The following PCDHGB2 variants were observed in gnomAD, a reference collection of about 807,000 sequenced individuals.
The protein encoded by PCDHGB2 is protocadherin gamma subfamily B, 2.
A neutral mutation model predicts 59.3 loss-of-function variants in PCDHGB2; 55 were observed. That is an observed-to-expected ratio of 0.93 (90% CI 0.75 to 1.16). The LOEUF is 1.16. Ranked by LOEUF, PCDHGB2 falls within the 50% of genes most tolerant of loss-of-function variation. The probability of loss-of-function intolerance (pLI) is 0.00; values close to 1 mark genes in which losing one functional copy is unlikely to be tolerated. For synonymous variants in PCDHGB2, 516 were observed against 512.0 expected, an observed-to-expected ratio of 1.01 and a Z score of -0.11; for missense variants, 1,228 against 1,198.5, an observed-to-expected ratio of 1.02 and a Z score of -0.36.
intron 1 of PCDHGB2, among the ~76,000 whole-genome samples, chr5:141,459,014 T>G (rs1429233660): frequency 6.6e-6 from 1 of 152,240 alleles, no homozygotes; most frequent in Non-Finnish European, 1.5e-5. Flanking sequence ...ATTACAGGCA[T>G]GAGCCACCAC....
At chr5:141,375,666 T>C (rs1771733109) in intron 1 of PCDHGB2, 1 of 1,614,122 alleles carries the variant, frequency 6.2e-7, no homozygotes, top group African/African-American at 1.3e-5. Context: ...TTGAGAGACC[T>C]ACAGCTGTGG....
At chr5:141,384,214 T>A in intron 1 of PCDHGB2, 1 of 1,613,874 alleles carries the variant, frequency 6.2e-7, no homozygotes, top group Non-Finnish European at 8.5e-7. Flanking sequence ...AACTCACATA[T>A]TCATGCAGGT....
At chr5:141,494,554 T>C (rs1270280236) in intron 1 of PCDHGB2, among the ~76,000 whole-genome samples, 1 of 152,178 alleles carries the variant, frequency 6.6e-6, no homozygotes, top group African/African-American at 2.4e-5. Flanking sequence ...GGGCCATTTC[T>C]TTAGGAAAGG....
At position 141,399,158 on chromosome 5, in the gene PCDHGB2, C is replaced by T. The variant is rs575806440; in HGVS notation, c.2421+36602C>T. 17 of 1,613,790 alleles carry T rather than the reference C, an allele frequency of 1.1e-5. No homozygotes were observed. The East Asian group carries it at 2.9e-4, about 27-fold the overall frequency. On this transcript the variant is annotated intron_variant, in intron 1 of 3. Transcript: ENST00000522605. The stretch of plus-strand genomic sequence containing the variant: ...GAAAATGACAATAGCCCAGAAGTTA[C>T]ATTCCATTCTCTACTTGAAATGATT...
chr5:141,396,592 C>G (rs886214200), intron 1 of PCDHGB2: 3 of 151,870 alleles, frequency 2.0e-5, no homozygotes, highest in Admixed American at 2.0e-4. Context: ...TGCACTCCAG[C>G]CTGGGCAACA....
At chr5:141,437,042 A>G (rs1355358776) in intron 1 of PCDHGB2, among the ~76,000 whole-genome samples, 1 of 152,264 alleles carries the variant, frequency 6.6e-6, no homozygotes, top group Non-Finnish European at 1.5e-5. Context: ...CACCGAAACC[A>G]GAAGGCTGGT....
At chr5:141,370,971 G>T in intron 1 of PCDHGB2, 1 of 1,614,016 alleles carries the variant, frequency 6.2e-7, no homozygotes, top group Non-Finnish European at 8.5e-7. Context: ...TAGGTACCCA[G>T]AGCTAGTACT....
At chr5:141,469,511 G>T (rs2099203340) in intron 1 of PCDHGB2, among the ~76,000 whole-genome samples, 2 of 152,038 alleles carry the variant, frequency 1.3e-5, no homozygotes, top group South Asian at 2.1e-4. Flanking sequence ...GGAGGTGGAG[G>T]TTGCAGTGAG....
rs556656447 is a variant in PCDHGB2 at position 141,500,319 on chromosome 5, C to CT, written c.2481-5073dup. Among the ~76,000 whole-genome samples the CT allele has an allele frequency of 2.6e-5, 4 of 152,122 alleles. No homozygotes were observed. The South Asian group carries it at 8.3e-4, about 32-fold the overall frequency. Reference sequence around the variant, plus strand: ...CGCCTCCCAGGTTCACGCCATGCTCCTGCCTCAGCCTCCAGAATAGCTGGG... The same window carrying CT: ...CGCCTCCCAGGTTCACGCCATGCTCCTTGCCTCAGCCTCCAGAATAGCTGGG... On this transcript the variant is annotated intron_variant, in intron 2 of 3. Coordinates refer to ENST00000522605, the MANE Select transcript of PCDHGB2 (RefSeq NM_018923.3).
At chr5:141,473,270 T>C (rs538574742) in intron 1 of PCDHGB2, among the ~76,000 whole-genome samples, 4 of 152,326 alleles carry the variant, frequency 2.6e-5, no homozygotes, top group African/African-American at 9.6e-5. Context: ...GTGTATGCTA[T>C]GATTATTTTA....
rs541159563 is a variant in PCDHGB2, at chr5:141,383,854, G to A, written c.2421+21298G>A. 2.3e-5 allele frequency: 37 copies of A among 1,613,942 alleles called. No homozygotes were observed. The South Asian group carries it at 3.4e-4, about 15-fold the overall frequency. Reference sequence around the variant, plus strand: ...AGAAACTGCCTTCTATGAAATGGAGGTTCAGGCTCAAGATGGTCCTGGTAG... The same window carrying A: ...AGAAACTGCCTTCTATGAAATGGAGATTCAGGCTCAAGATGGTCCTGGTAG... On this transcript the variant is annotated intron_variant, in intron 1 of 3. Transcript: ENST00000522605.
At chr5:141,418,124 C>G (rs762154093) in intron 1 of PCDHGB2, 1 of 1,613,836 alleles carries the variant, frequency 6.2e-7, no homozygotes, top group African/African-American at 1.3e-5. Context: ...TGTGAAGGAC[C>G]GAATAGACCG....
At position 141,376,090 on chromosome 5, in the gene PCDHGB2, C is replaced by G. The variant is rs372887480; in HGVS notation, c.2421+13534C>G. ...CCGTGGCCGTGGCCGACAGGATCCC[C>G]GACATCCTGGCCGACCTGGGCAGCC... On this transcript the variant is annotated intron_variant, in intron 1 of 3. Coordinates refer to ENST00000522605, the MANE Select transcript of PCDHGB2 (RefSeq NM_018923.3). 107 of 1,613,674 alleles carry G rather than the reference C, an allele frequency of 6.6e-5. No homozygotes were observed. In the African/African-American group the frequency reaches 1.2e-3, roughly 18 times the overall value.
chr5:141,388,424 GATAA>G, intron 1 of PCDHGB2: 1 of 1,613,812 alleles, frequency 6.2e-7, no homozygotes, highest in Non-Finnish European at 8.5e-7. Context: ...ATTTCTCACT[GATAA>G]ATAAAGAGAA....
rs146358809 is a variant in PCDHGB2, at chr5:141,480,913, C to T, written c.2422-13894C>T. 4.1e-3 allele frequency among the ~76,000 whole-genome samples: 617 copies of T among 152,096 alleles called. 6 individuals are homozygous for T. Among genetic ancestry groups the T allele is most frequent in the Admixed American group, 0.011 (171 of 15,272 alleles). ...TGCAAACATTAGCTGGGCATGGTGG[C>T]GCATACCTGTAGTCCCAGCTACTCT... On this transcript the variant is annotated intron_variant, in intron 1 of 3. Transcript: ENST00000522605.
chr5:141,430,686 C>G, intron 1 of PCDHGB2: 1 of 1,397,218 alleles, frequency 7.2e-7, no homozygotes, highest in Non-Finnish European at 9.5e-7. Context: ...CTGTCCCATT[C>G]TATGGGCGAA....
chr5:141,414,635 A>G (rs753834653), intron 1 of PCDHGB2: 72 of 1,613,866 alleles, frequency 4.5e-5, no homozygotes, highest in Admixed American at 2.0e-4. Flanking sequence ...GACAGCAAAG[A>G]GAATGCCCAG....
intron 1 of PCDHGB2, chr5:141,440,761 C>T (rs2098198732): frequency 6.6e-6 from 1 of 152,172 alleles, no homozygotes; most frequent in African/African-American, 2.4e-5. Context: ...GCAGAGCTCC[C>T]ATCCCTTAGT....
intron 1 of PCDHGB2, among the ~76,000 whole-genome samples, chr5:141,463,049 T>C (rs529642816): frequency 3.9e-4 from 60 of 152,326 alleles, no homozygotes; most frequent in African/African-American, 1.3e-3. Context: ...CAGCAGGGTC[T>C]CTTTATTATG....
Sources: allele counts gnomAD v4.1 joint callset (sites outside exome capture counted in the v4.1 genomes callset), GRCh38; gene constraint gnomAD v4.1.1; transcripts MANE v1.5; gene names NCBI Gene and HGNC (gene_info 2026-07-23, HGNC 2026-07-21).